Variants in SPTBN1 observed in about 807,000 individuals in gnomAD.
SPTBN1 encodes the protein spectrin beta, non-erythrocytic 1.
A neutral mutation model predicts 266.4 loss-of-function variants in SPTBN1; 32 were observed. The observed-to-expected ratio is 0.12, with a 90% confidence interval of 0.09 to 0.16. SPTBN1 has a LOEUF of 0.16. Among genes scored for constraint, SPTBN1 ranks in the 10% least tolerant of loss-of-function variants. The pLI is 1.00. For synonymous variants in SPTBN1, 1,336 were observed against 1,162.2 expected (o/e 1.15, Z -3.04); for missense variants, 2,296 against 3,067.1 (o/e 0.75, Z 5.94).
At chr2:54,566,396 C>G (rs1168082170) in intron 2 of SPTBN1, among the ~76,000 whole-genome samples, 1 of 151,908 alleles carries the variant, frequency 6.6e-6, no homozygotes, top group Non-Finnish European at 1.5e-5. Flanking sequence ...CCATGTTGGC[C>G]AGGCTGATCT....
intron 1 of SPTBN1, among the ~76,000 whole-genome samples, chr2:54,499,861 G>A (rs1471405030): frequency 1.3e-5 from 2 of 152,202 alleles, no homozygotes; most frequent in African/African-American, 4.8e-5. Context: ...CCAACACAGA[G>A]TTTTGGCTAA....
intron 1 of SPTBN1, among the ~76,000 whole-genome samples, chr2:54,520,665 AC>A (rs1401745519): frequency 1.2e-5 from 1 of 80,170 alleles, no homozygotes; most frequent in Admixed American, 1.8e-4. Context: ...ATGCCACCCC[AC>A]CCCCCACCCC....
chr2:54,665,781 AG>A, intron 33 of SPTBN1, 133 bp from the exon 34 acceptor site: 1 of 1,036,248 alleles, frequency 9.7e-7, no homozygotes, highest in Non-Finnish European at 1.4e-6. Flanking sequence ...GCTTGTAATA[AG>A]GAAGGTTGAG....
intron 3 of SPTBN1, among the ~76,000 whole-genome samples, chr2:54,610,541 A>G (rs1168385972): frequency 6.6e-6 from 1 of 152,254 alleles, no homozygotes; most frequent in Non-Finnish European, 1.5e-5. Flanking sequence ...CTGGGATTAC[A>G]GGCATGAGCT....
chr2:54,569,979 C>T lies in SPTBN1; in HGVS notation c.149-29113C>T, dbSNP rs10198205. ...CACCCAACTGAAACCATTCCCCCCCCCCTTTAGAAAGATTAGAAGGTTCAG... is the reference window on the plus strand; with the variant it reads ...CACCCAACTGAAACCATTCCCCCCCTCCTTTAGAAAGATTAGAAGGTTCAG... On this transcript the variant is annotated intron_variant, in intron 2 of 35. Transcript: ENST00000356805. Among the ~76,000 whole-genome samples, 563 of 149,698 alleles carry T rather than the reference C, an allele frequency of 3.8e-3. 5 individuals are homozygous for T. The highest frequency in any genetic ancestry group is 0.013 in the African/African-American group (516 of 41,210).
chr2:54,591,173 T>G (rs1398263065), intron 2 of SPTBN1, among the ~76,000 whole-genome samples: 1 of 152,240 alleles, frequency 6.6e-6, no homozygotes, highest in Non-Finnish European at 1.5e-5. Flanking sequence ...GACTTTATCT[T>G]AGACACAGAG....
intron 29 of SPTBN1, 99 bp from the exon 30 acceptor site, chr2:54,657,751 G>C: frequency 2.9e-6 from 4 of 1,379,550 alleles, no homozygotes; most frequent in Non-Finnish European, 4.1e-6. Context: ...TGGTTATGCA[G>C]GTAGCCATCA....
intron 1 of SPTBN1, among the ~76,000 whole-genome samples, chr2:54,517,033 A>G (rs1341804013): frequency 1.3e-5 from 2 of 152,224 alleles, no homozygotes; most frequent in African/African-American, 4.8e-5. Context: ...AGGTTTTATC[A>G]TGCAGATGAG....
In SPTBN1 at chr2:54,530,040, C is replaced by T. The variant is rs988442845; in HGVS notation, c.148+3474C>T. Among the ~76,000 whole-genome samples, 9 of 151,898 alleles carry T rather than the reference C, an allele frequency of 5.9e-5. No homozygotes were observed. The South Asian group carries it at 8.3e-4, about 14-fold the overall frequency. On this transcript the variant is annotated intron_variant, in intron 2 of 35. Coordinates refer to ENST00000356805, the MANE Select transcript of SPTBN1 (RefSeq NM_003128.3). ...TCTGCTGAACATGCATGTTCTAAAG[C>T]GAGACATTTTGCTTAGAGCCATAAA...
intron 2 of SPTBN1, among the ~76,000 whole-genome samples, chr2:54,578,750 GT>G (rs1181947219): frequency 2.0e-4 from 10 of 50,810 alleles, no homozygotes; most frequent in South Asian, 7.8e-4. Context: ...TTCTGATGGG[GT>G]GTGTGTGTGT....
At chr2:54,457,112 C>G (rs1355513268) in intron 1 of SPTBN1, 2 of 151,524 alleles carry the variant, frequency 1.3e-5, no homozygotes, top group Non-Finnish European at 2.9e-5. Flanking sequence ...CCCGCGCCCC[C>G]ACCTCCGCCC....
chr2:54,616,677 A>T (rs1677637827), intron 5 of SPTBN1, among the ~76,000 whole-genome samples: 1 of 152,358 alleles, frequency 6.6e-6, no homozygotes, highest in South Asian at 2.1e-4. Context: ...AGTAAACAAC[A>T]GCATAACCTT....
intron 10 of SPTBN1, among the ~76,000 whole-genome samples, chr2:54,624,564 C>G (rs1324853212): frequency 6.6e-6 from 1 of 152,060 alleles, no homozygotes; most frequent in Non-Finnish European, 1.5e-5. Context: ...GTTTTGTTTT[C>G]CAAGTACAAC....
At chr2:54,471,059 C>T (rs940908402) in intron 1 of SPTBN1, among the ~76,000 whole-genome samples, 1 of 152,252 alleles carries the variant, frequency 6.6e-6, no homozygotes, top group East Asian at 1.9e-4. Context: ...ATTAGACACC[C>T]CTGCTTTAGA....
rs1277597316 is a variant in SPTBN1, at chr2:54,631,470, G to T, written c.3423G>T (p.Arg1141=). The change falls in exon 16 of 36, where the codon CGG becomes CGT. Residue 1141 remains arginine (R), a synonymous_variant. Coordinates refer to ENST00000356805, the MANE Select transcript of SPTBN1 (RefSeq NM_003128.3). ...GQTDAQYMFL[R]QRLQALDTGW... ...CCGATGCCCAGTACATGTTTCTGCG[G>T]CAGCGGCTGCAGGCCCTGGACACTG... The T allele has an allele frequency of 6.2e-7, 1 of 1,614,092 alleles. No individual in the cohort carries two copies. Among genetic ancestry groups the T allele is most frequent in the Non-Finnish European group, 8.5e-7 (1 of 1,180,026 alleles).
intron 2 of SPTBN1, among the ~76,000 whole-genome samples, chr2:54,578,601 T>C (rs1157979469): frequency 6.6e-6 from 1 of 152,180 alleles, no homozygotes; most frequent in African/African-American, 2.4e-5. Context: ...CAGCCTTACT[T>C]GTATCCTAAA....
chr2:54,516,911 G>A (rs1670139598), intron 1 of SPTBN1, among the ~76,000 whole-genome samples: 2 of 152,190 alleles, frequency 1.3e-5, no homozygotes, highest in South Asian at 4.1e-4. Flanking sequence ...CAGGATAGGG[G>A]CAGCCTTCCA....
In SPTBN1 at chr2:54,645,134, G is replaced by A. The variant is rs1679834140; in HGVS notation, c.4270-95G>A. 4 of 1,335,560 alleles carry A rather than the reference G, an allele frequency of 3.0e-6. No homozygotes were observed. The highest frequency in any genetic ancestry group is 2.3e-5 in the East Asian group (1 of 42,978). The allele number at this position is 1,335,560 out of a possible 1,614,324, so 82.7% of individuals were successfully genotyped here. A position where few individuals can be genotyped will look rare whatever the true frequency, so the allele number is the denominator to read the frequency against. The stretch of plus-strand genomic sequence containing the variant: ...AGTGGCTCCCATGGCTGGCTTTGCG[G>A]TGTGGCCAAGTCCCAGGCCCAGCAG... On this transcript the variant is annotated intron_variant, in intron 20 of 35. Coordinates refer to ENST00000356805, the MANE Select transcript of SPTBN1 (RefSeq NM_003128.3). The surrounding 1 kb of genome is among the most constrained non-coding windows in gnomAD (Gnocchi z 4.3).
chr2:54,656,113 G>T, intron 29 of SPTBN1, 115 bp downstream of exon 29: 1 of 847,936 alleles, frequency 1.2e-6, no homozygotes, highest in Non-Finnish European at 1.8e-6. Context: ...AGTTGTAGAT[G>T]CCTTTTTAGT....
Sources: allele counts gnomAD v4.1 joint callset (sites outside exome capture counted in the v4.1 genomes callset), GRCh38; gene constraint gnomAD v4.1.1; non-coding constraint Gnocchi (gnomAD v3.1); transcripts MANE v1.5; gene names NCBI Gene and HGNC (gene_info 2026-07-23, HGNC 2026-07-21).